GAS2: variants seen among roughly 807,000 people sequenced by gnomAD.
GAS2 encodes the protein growth arrest specific 2.
A neutral mutation model predicts 37.5 loss-of-function variants in GAS2; 20 were observed. The ratio of observed to expected loss-of-function variants is 0.53; its 90% CI spans 0.37 to 0.77. The LOEUF is 0.77. GAS2 is among the 30% of genes least tolerant of loss of function. The pLI, the probability that GAS2 is intolerant of heterozygous loss-of-function variation, is 0.00. For missense variants in GAS2, 336 were observed against 373.4 expected (o/e 0.90, Z 0.82); for synonymous variants, 144 against 132.2 (o/e 1.09, Z -0.61).
chr11:22,770,279 C>T (rs542924517), intron 7 of GAS2, among the ~76,000 whole-genome samples: 4 of 152,120 alleles, frequency 2.6e-5, no homozygotes, highest in Non-Finnish European at 5.9e-5. Flanking sequence ...CAAACCTGCA[C>T]TTTCTGCACA....
rs184066377 is a variant in GAS2, at chr11:22,687,207, G to A, written c.267+1418G>A. ...CAGGGAATGGTGGTGTGTTCCTGTA[G>A]CCCCAGGTATTTGGGAAACTGAGGC... On this transcript the variant is annotated intron_variant, in intron 3 of 7. Coordinates refer to ENST00000454584, the MANE Select transcript of GAS2 (RefSeq NM_001143830.3). Among the ~76,000 whole-genome samples, 82 of 152,124 alleles carry A rather than the reference G, an allele frequency of 5.4e-4. 1 individual carries two copies. Among genetic ancestry groups the A allele is most frequent in the Non-Finnish European group, 3.8e-4 (26 of 68,004 alleles).
At chr11:22,633,529 T>G (rs1381304053) in intron 1 of GAS2, among the ~76,000 whole-genome samples, 1 of 152,238 alleles carries the variant, frequency 6.6e-6, no homozygotes, top group Non-Finnish European at 1.5e-5. Flanking sequence ...TTTTATTCAC[T>G]GGGTTGAACA....
At chr11:22,788,033 CA>C (rs1342791040) in intron 7 of GAS2, among the ~76,000 whole-genome samples, 1 of 152,182 alleles carries the variant, frequency 6.6e-6, no homozygotes, top group Non-Finnish European at 1.5e-5. Context: ...GCCTCTGCAA[CA>C]TGAAATGGTG....
intron 1 of GAS2, among the ~76,000 whole-genome samples, chr11:22,651,920 G>A (rs893292624): frequency 2.6e-5 from 4 of 152,166 alleles, no homozygotes; most frequent in Admixed American, 1.3e-4. Flanking sequence ...CTCTCAGCTC[G>A]TCAAAGTCAT....
chr11:22,804,539 G>A (rs1056899996), intron 7 of GAS2, among the ~76,000 whole-genome samples: 10 of 152,108 alleles, frequency 6.6e-5, no homozygotes, highest in African/African-American at 2.4e-4. Context: ...AGGTTGTACC[G>A]TGATGAGCAA....
intron 6 of GAS2, among the ~76,000 whole-genome samples, chr11:22,749,667 C>T (rs1201815310): frequency 6.6e-6 from 1 of 151,950 alleles, no homozygotes; most frequent in Non-Finnish European, 1.5e-5. Flanking sequence ...TATGGACTAC[C>T]ATTGTTTTTC....
intron 2 of GAS2, among the ~76,000 whole-genome samples, chr11:22,677,110 C>T (rs4606476): frequency 0.63 from 95,100 of 152,006 alleles, 30,936 homozygotes; most frequent in East Asian, 0.83. Context: ...AGTAAATAAG[C>T]AATTGAATAT....
At chr11:22,712,641 A>G (rs748434709) in intron 3 of GAS2, among the ~76,000 whole-genome samples, 6 of 152,204 alleles carry the variant, frequency 3.9e-5, no homozygotes, top group Non-Finnish European at 7.3e-5. Context: ...ACAAAACAAC[A>G]TTCTATGACA....
At chr11:22,754,749 T>A (rs1853933139) in intron 6 of GAS2, among the ~76,000 whole-genome samples, 1 of 152,126 alleles carries the variant, frequency 6.6e-6, no homozygotes, top group African/African-American at 2.4e-5. Flanking sequence ...AGTTTTTGCT[T>A]AGAAGGCTGA....
chr11:22,787,603 A>C (rs2134538941), intron 7 of GAS2, among the ~76,000 whole-genome samples: 1 of 152,324 alleles, frequency 6.6e-6, no homozygotes, highest in East Asian at 1.9e-4. Context: ...AAAAGAAAAA[A>C]GATCAGCTAA....
chr11:22,669,362 G>A (rs546968377), intron 1 of GAS2, among the ~76,000 whole-genome samples: 13 of 152,234 alleles, frequency 8.5e-5, no homozygotes, highest in African/African-American at 3.1e-4. Context: ...AAATTGTTTG[G>A]AAGGATGTTT....
chr11:22,634,097 A>T (rs558309873), intron 1 of GAS2, among the ~76,000 whole-genome samples: 47 of 152,222 alleles, frequency 3.1e-4, no homozygotes, highest in Non-Finnish European at 6.5e-4. Context: ...TCACAGTTCC[A>T]CGTGGCTGGG....
chr11:22,713,371 A>G (rs1302984500), intron 3 of GAS2, among the ~76,000 whole-genome samples: 2 of 151,908 alleles, frequency 1.3e-5, no homozygotes, highest in African/African-American at 2.4e-5. Context: ...TTAAATGACC[A>G]AACATAAGAA....
intron 7 of GAS2, among the ~76,000 whole-genome samples, chr11:22,808,449 C>T (rs1041628430): frequency 4.6e-5 from 7 of 152,178 alleles, no homozygotes; most frequent in African/African-American, 1.4e-4. Flanking sequence ...CTGTATTATT[C>T]ATATTCAGTA....
chr11:22,653,948 T>G (rs1399517479), intron 1 of GAS2, among the ~76,000 whole-genome samples: 1 of 152,164 alleles, frequency 6.6e-6, no homozygotes, highest in Non-Finnish European at 1.5e-5. Flanking sequence ...GCCTCTATAA[T>G]GTAAGAAAAT....
At chr11:22,628,650 A>G (rs188898185) in intron 1 of GAS2, among the ~76,000 whole-genome samples, 10 of 151,938 alleles carry the variant, frequency 6.6e-5, no homozygotes, top group Admixed American at 5.9e-4. Flanking sequence ...TTTTATTTCA[A>G]TAGCTTTAAG....
At chr11:22,729,533 G>A (rs1043423524) in intron 4 of GAS2, among the ~76,000 whole-genome samples, 4 of 151,746 alleles carry the variant, frequency 2.6e-5, no homozygotes, top group African/African-American at 9.7e-5. Context: ...ACATTCTTTA[G>A]AGATAATTTT....
At chr11:22,783,200 G>A (rs534658729) in intron 7 of GAS2, among the ~76,000 whole-genome samples, 1 of 146,190 alleles carries the variant, frequency 6.8e-6, no homozygotes, top group South Asian at 2.2e-4. Context: ...GATTAGTGAT[G>A]ATGAGCATTT....
chr11:22,707,030 A>G (rs1431437549), intron 3 of GAS2, among the ~76,000 whole-genome samples: 7 of 152,092 alleles, frequency 4.6e-5, no homozygotes, highest in Admixed American at 4.6e-4. Flanking sequence ...TGCCATTCTA[A>G]CTGGTGTGAG....
Sources: allele counts gnomAD v4.1 joint callset (sites outside exome capture counted in the v4.1 genomes callset), GRCh38; gene constraint gnomAD v4.1.1; transcripts MANE v1.5; gene names NCBI Gene and HGNC (gene_info 2026-07-23, HGNC 2026-07-21).